The following SPAST variants were observed in gnomAD, a reference collection of about 807,000 sequenced individuals.
SPAST encodes spastin, also known as spastic paraplegia 4 (autosomal dominant; spastin).
Under a neutral mutation model 76.6 loss-of-function variants are expected in SPAST, and 30 were observed. The observed-to-expected ratio is 0.39, with a 90% CI of 0.29 to 0.53. The LOEUF (loss-of-function observed/expected upper bound fraction) is 0.53. SPAST is among the 20% of genes least tolerant of loss of function. The pLI is 0.68. For missense variants in SPAST, 717 were observed against 770.5 expected (o/e 0.93, Z 0.82); for synonymous variants, 305 against 281.0 (o/e 1.09, Z -0.86).
At chr2:32,124,854 A>G (rs778451237) in intron 7 of SPAST, among the ~76,000 whole-genome samples, 2 of 152,232 alleles carry the variant, frequency 1.3e-5, no homozygotes, top group Non-Finnish European at 2.9e-5. Flanking sequence ...CTATGGAAAC[A>G]GTAAATAGAT....
intron 3 of SPAST, among the ~76,000 whole-genome samples, chr2:32,090,544 AC>A (rs1331404296): frequency 6.6e-6 from 1 of 151,832 alleles, no homozygotes; most frequent in African/African-American, 2.4e-5. Flanking sequence ...AAAAAAACTG[AC>A]CCCCCCAAAA....
intron 3 of SPAST, among the ~76,000 whole-genome samples, chr2:32,095,269 A>G (rs1677874903): frequency 1.3e-5 from 2 of 152,228 alleles, no homozygotes; most frequent in African/African-American, 4.8e-5. Flanking sequence ...TAGGAGAAAC[A>G]GACACATAAA....
At chr2:32,075,800 C>T (rs1676936799) in intron 1 of SPAST, among the ~76,000 whole-genome samples, 2 of 149,800 alleles carry the variant, frequency 1.3e-5, no homozygotes, top group African/African-American at 2.5e-5. Flanking sequence ...GTGATCCCCC[C>T]TCCTTGGCCT....
chr2:32,090,056 G>A (rs1016825060), intron 3 of SPAST, among the ~76,000 whole-genome samples: 17 of 152,190 alleles, frequency 1.1e-4, no homozygotes, highest in Admixed American at 2.6e-4. Flanking sequence ...GAGCCAACGC[G>A]CCCAGCCGAG....
chr2:32,064,336 C>T, intron 1 of SPAST, 90 bp downstream of exon 1: 6 of 1,226,662 alleles, frequency 4.9e-6, no homozygotes, highest in Non-Finnish European at 6.9e-6. Context: ...CCCTTTTCTG[C>T]GGGAGGGGAC....
intron 7 of SPAST, among the ~76,000 whole-genome samples, chr2:32,124,650 A>G (rs1168861651): frequency 6.6e-6 from 1 of 152,228 alleles, no homozygotes; most frequent in Admixed American, 6.5e-5. Context: ...CAAGGCATCC[A>G]TAAGTAGGGG....
intron 1 of SPAST, among the ~76,000 whole-genome samples, chr2:32,079,388 G>A (rs983867974): frequency 2.0e-5 from 3 of 151,852 alleles, no homozygotes; most frequent in African/African-American, 7.2e-5. Flanking sequence ...GTGCACACCT[G>A]TGGTCCCAGC....
intron 4 of SPAST, among the ~76,000 whole-genome samples, chr2:32,109,737 CTA>C (rs1006013383): frequency 2.0e-5 from 3 of 148,458 alleles, no homozygotes; most frequent in Non-Finnish European, 3.0e-5. Flanking sequence ...GTATATATAA[CTA>C]TATATGTATA....
At chr2:32,079,909 T>C (rs552985015) in intron 1 of SPAST, among the ~76,000 whole-genome samples, 1 of 152,158 alleles carries the variant, frequency 6.6e-6, no homozygotes, top group Non-Finnish European at 1.5e-5. Context: ...GGTCTAAATA[T>C]CTGTTTAAGT....
intron 3 of SPAST, among the ~76,000 whole-genome samples, chr2:32,091,398 A>G (rs1677711660): frequency 6.6e-6 from 1 of 150,904 alleles, no homozygotes. Flanking sequence ...CTCGTGATTC[A>G]GTCTCCCGAG....
intron 1 of SPAST, among the ~76,000 whole-genome samples, chr2:32,078,301 A>G (rs1238600976): frequency 1.3e-5 from 2 of 152,058 alleles, no homozygotes. Flanking sequence ...CCTCCCAAGT[A>G]GCTTGGGATT....
chr2:32,141,918 G>A lies in SPAST; in HGVS notation c.1508G>A (p.Arg503Gln). The A allele has an allele frequency of 6.2e-7, 1 of 1,611,940 alleles. No homozygotes were observed. Among genetic ancestry groups the A allele is most frequent in the Non-Finnish European group, 8.5e-7 (1 of 1,179,132 alleles). ...DEAVLRRFIK[R>Q]VYVSLPNEET... ...TTTTTTTTTAGGCGTTTCATCAAAC[G>A]GGTATATGTGTCTTTACCAAATGAG... Residue 503 changes from arginine (R) to glutamine (Q), a missense_variant, in exon 13 of 17, where the codon CGG becomes CAG. By Grantham distance (43) the Arg-to-Gln change is conservative. Coordinates refer to ENST00000315285, the MANE Select transcript of SPAST (RefSeq NM_014946.4).
intron 3 of SPAST, among the ~76,000 whole-genome samples, chr2:32,092,725 C>T (rs973394365): frequency 3.9e-5 from 6 of 152,094 alleles, no homozygotes; most frequent in African/African-American, 7.2e-5. Flanking sequence ...AAGGTGACAT[C>T]GGCTGGGCGC....
At chr2:32,077,251 T>G (rs1266104666) in intron 1 of SPAST, among the ~76,000 whole-genome samples, 1 of 152,142 alleles carries the variant, frequency 6.6e-6, no homozygotes, top group Non-Finnish European at 1.5e-5. Flanking sequence ...TGTAGGAAAA[T>G]GGATATATTT....
intron 1 of SPAST, among the ~76,000 whole-genome samples, chr2:32,064,572 C>T (rs932784186): frequency 7.2e-5 from 11 of 152,234 alleles, no homozygotes; most frequent in Admixed American, 4.6e-4. Flanking sequence ...CTGATCCTTT[C>T]TAGCACTGTG....
Position 32,110,117 on chromosome 2 carries a change from GT to G in SPAST, c.683-4513del, listed in dbSNP as rs892548492. Among the ~76,000 whole-genome samples, 55 of 113,056 alleles carry G rather than the reference GT, an allele frequency of 4.9e-4. 1 individual carries two copies. In the East Asian group the frequency reaches 0.012, roughly 25 times the overall value. 74.2% of individuals were successfully genotyped at this position (113,056 alleles called of 152,430 possible). ...ATAGTTTTTTTTGTTTTTTTTTTTT[GT>G]TTTTTTTGTTTTTTTTTGGAGATGG... On this transcript the variant is annotated intron_variant, in intron 4 of 16. Coordinates refer to ENST00000315285, the MANE Select transcript of SPAST (RefSeq NM_014946.4).
At chr2:32,090,873 A>G (rs1446273788) in intron 3 of SPAST, among the ~76,000 whole-genome samples, 1 of 152,104 alleles carries the variant, frequency 6.6e-6, no homozygotes, top group Non-Finnish European at 1.5e-5. Flanking sequence ...TGATTAGACT[A>G]CTTCCTAGGT....
In SPAST at chr2:32,063,973, C is replaced by T. The variant is rs1443355784; in HGVS notation, c.142C>T (p.Arg48Trp). The change falls in exon 1 of 17, where the codon CGG becomes TGG. Residue 48 changes from arginine to tryptophan, a missense_variant. By Grantham distance (101) the Arg-to-Trp change is moderately radical. Transcript: ENST00000315285. Reference sequence around the variant, plus strand: ...CCCTCCGCCCGAGTCGCCGCATAAGCGGAACCTGTACTATTTCTCCTACCC... The same window carrying T: ...CCCTCCGCCCGAGTCGCCGCATAAGTGGAACCTGTACTATTTCTCCTACCC... Reference protein sequence around the residue: ...PAPPPESPHKRNLYYFSYPLF... With the variant: ...PAPPPESPHKWNLYYFSYPLF... The T allele has an allele frequency of 2.5e-6, 4 of 1,613,098 alleles. No individual in the cohort carries two copies. In the Admixed American group the frequency reaches 5.0e-5, roughly 20 times the overall value.
intron 1 of SPAST, among the ~76,000 whole-genome samples, chr2:32,073,605 A>G (rs1369846497): frequency 1.3e-5 from 2 of 152,164 alleles, no homozygotes. Flanking sequence ...CGGAGATTAC[A>G]GGCATGAGCC....
Sources: gnomAD v4.1 joint callset for allele counts (sites outside exome capture counted in the v4.1 genomes callset) on GRCh38, gnomAD v4.1.1 for gene constraint, MANE v1.5 for transcripts, NCBI Gene and HGNC (gene_info 2026-07-23, HGNC 2026-07-21) for gene names.